CCND3: variants seen among roughly 807,000 people sequenced by gnomAD.
CCND3 encodes the protein cyclin D3, also known as G1/S-specific cyclin-D3.
A neutral mutation model predicts 28.7 loss-of-function variants in CCND3; 9 were observed. The observed-to-expected ratio is 0.31, with a 90% CI of 0.19 to 0.55. The LOEUF is 0.55. Ranked by LOEUF, CCND3 falls within the 20% of genes least tolerant of loss-of-function variation. The probability of loss-of-function intolerance (pLI) is 0.93; values close to 1 mark genes in which losing one functional copy is unlikely to be tolerated. For missense variants in CCND3, 315 were observed against 385.8 expected, an observed-to-expected ratio of 0.82 and a Z score of 1.54; for synonymous variants, 164 against 163.9, an observed-to-expected ratio of 1.00 and a Z score of 0.00.
intron 3 of CCND3, 119 bp downstream of exon 3, chr6:41,937,116 A>G (rs1272352880): frequency 6.4e-6 from 7 of 1,096,188 alleles, no homozygotes; most frequent in East Asian, 4.8e-5. Context: ...GGGGGCTCAG[A>G]GGGGGTATAA....
intron 1 of CCND3, among the ~76,000 whole-genome samples, chr6:41,966,452 A>C (rs1761888927): frequency 6.6e-6 from 1 of 151,800 alleles, no homozygotes; most frequent in African/African-American, 2.4e-5. Flanking sequence ...GCCCTGTTAT[A>C]CTCCCAGAAC....
intron 1 of CCND3, among the ~76,000 whole-genome samples, chr6:41,949,298 C>A (rs748969749): frequency 1.3e-5 from 2 of 151,824 alleles, no homozygotes; most frequent in Non-Finnish European, 2.9e-5. Flanking sequence ...CGAGGCCAGG[C>A]GTTCAAGACC....
chr6:41,988,615 C>G (rs9471708), intron 1 of CCND3, among the ~76,000 whole-genome samples: 30,582 of 151,690 alleles, frequency 0.2, 3,607 homozygotes, highest in Non-Finnish European at 0.26. Context: ...GCCATGGCCT[C>G]TTGGCCTCAT....
intron 1 of CCND3, chr6:42,011,205 A>G (rs908981237): frequency 6.6e-6 from 1 of 152,032 alleles, no homozygotes. Context: ...GCAGCCTCAA[A>G]CTCCTGGGCT....
intron 1 of CCND3, among the ~76,000 whole-genome samples, chr6:42,000,048 A>AAG (rs1762942644): frequency 1.3e-5 from 2 of 150,830 alleles, no homozygotes; most frequent in African/African-American, 4.9e-5. Flanking sequence ...AGGCCTGTGT[A>AAG]TGTGTGTGTG....
Position 41,936,245 on chromosome 6 carries a change from T to C in CCND3, c.712-138A>G. ...CAGCCCGGCCCCAGGAATCGCTCTTTAGTTCTCAGAAACTAGCAAGAGGAT... is the reference window on the plus strand; with the variant it reads ...CAGCCCGGCCCCAGGAATCGCTCTTCAGTTCTCAGAAACTAGCAAGAGGAT... On this transcript the variant is annotated intron_variant, in intron 4 of 4. Transcript: ENST00000372991. The surrounding 1 kb of genome is among the most constrained non-coding windows in gnomAD (Gnocchi z 4.4). The C allele has an allele frequency of 1.1e-6, 1 of 943,360 alleles. No individual in the cohort carries two copies. The highest frequency in any genetic ancestry group is 1.7e-5 in the South Asian group (1 of 57,270). 58.4% of individuals were successfully genotyped at this position (943,360 alleles called of 1,614,324 possible). A position where few individuals can be genotyped will look rare whatever the true frequency, so the allele number is the denominator to read the frequency against.
intron 1 of CCND3, among the ~76,000 whole-genome samples, chr6:42,020,389 G>A (rs1763671622): frequency 6.6e-6 from 1 of 152,232 alleles, no homozygotes; most frequent in South Asian, 2.1e-4. Context: ...ACATGCAGAA[G>A]GTTCTTGGCT....
At chr6:41,973,488 T>C (rs991081719) in intron 1 of CCND3, among the ~76,000 whole-genome samples, 1 of 152,214 alleles carries the variant, frequency 6.6e-6, no homozygotes, top group African/African-American at 2.4e-5. Flanking sequence ...TGTACTATGT[T>C]ATATAGACTA....
chr6:41,946,991 G>A (rs934459027), intron 1 of CCND3, among the ~76,000 whole-genome samples: 5 of 151,956 alleles, frequency 3.3e-5, no homozygotes, highest in African/African-American at 9.7e-5. Context: ...AGGCCGAGGC[G>A]GGCAGATCAC....
chr6:41,971,340 C>T (rs1487609544), intron 1 of CCND3, among the ~76,000 whole-genome samples: 1 of 152,124 alleles, frequency 6.6e-6, no homozygotes, highest in Non-Finnish European at 1.5e-5. Context: ...CTAGACTGGA[C>T]TTGAACTCCT....
At position 41,940,430 on chromosome 6, in the gene CCND3, G is replaced by A. The variant is rs777684813; in HGVS notation, c.354C>T (p.Pro118=). The A allele has an allele frequency of 6.2e-6, 10 of 1,613,782 alleles. No homozygotes were observed. The highest frequency in any genetic ancestry group is 8.5e-6 in the Non-Finnish European group (10 of 1,179,978). Reference sequence around the variant, plus strand: ...AGATGCACAGTTTTTCGATGGTCAGGGGCGTGGTCTCGCGCAGCTTGGAGG... The same window carrying A: ...AGATGCACAGTTTTTCGATGGTCAGAGGCGTGGTCTCGCGCAGCTTGGAGG... ...LLASKLRETT[P]LTIEKLCIYT... Residue 118 remains proline, a synonymous_variant, in exon 2 of 5, where the codon CCC becomes CCT. Transcript: ENST00000372991.
chr6:41,987,465 T>C (rs114353055), intron 1 of CCND3, among the ~76,000 whole-genome samples: 2 of 148,842 alleles, frequency 1.3e-5, no homozygotes, highest in African/African-American at 2.5e-5. Flanking sequence ...ACAACTCCCA[T>C]GGACCAGGCT....
intron 1 of CCND3, among the ~76,000 whole-genome samples, chr6:42,044,956 CGTTTTTTTTTTT>C (rs1488066414): frequency 3.2e-5 from 4 of 123,952 alleles, no homozygotes; most frequent in Admixed American, 8.7e-5. Flanking sequence ...GCCCGGCTAA[CGTTTTTTTTTTT>C]TTTTTTTTTG....
At chr6:41,969,920 T>C (rs901830687) in intron 1 of CCND3, among the ~76,000 whole-genome samples, 3 of 151,648 alleles carry the variant, frequency 2.0e-5, no homozygotes, top group African/African-American at 2.4e-5. Context: ...TAAAATGGAA[T>C]GGTGAGCTGG....
Position 41,936,480 on chromosome 6 carries a change from G to A in CCND3, c.711+79C>T. 6.6e-7 allele frequency: 1 copy of A among 1,525,530 alleles called. No homozygotes were observed. The highest frequency in any genetic ancestry group is 1.2e-5 in the South Asian group (1 of 84,310). The allele number at this position is 1,525,530 out of a possible 1,614,324, so 94.5% of individuals were successfully genotyped here. A position where few individuals can be genotyped will look rare whatever the true frequency, so the allele number is the denominator to read the frequency against. On this transcript the variant is annotated intron_variant, in intron 4 of 4. Coordinates refer to ENST00000372991, the MANE Select transcript of CCND3 (RefSeq NM_001760.5). The surrounding 1 kb of genome is among the most constrained non-coding windows in gnomAD (Gnocchi z 4.4). ...GACTTGGGACCAGGTTGGGGTTGGA[G>A]GTTTCCCTCTACTGGAGGCTCAGGG...
intron 1 of CCND3, among the ~76,000 whole-genome samples, chr6:41,951,734 A>G: frequency 6.6e-6 from 1 of 151,844 alleles, no homozygotes; most frequent in East Asian, 1.9e-4. Context: ...ATTAGGTAGT[A>G]ATAATAATAG....
intron 1 of CCND3, among the ~76,000 whole-genome samples, chr6:42,025,170 G>A (rs768823846): frequency 3.3e-5 from 5 of 152,228 alleles, no homozygotes; most frequent in Non-Finnish European, 5.9e-5. Flanking sequence ...CACGCAGGCA[G>A]ACAGAAGGTC....
chr6:42,014,286 G>A (rs571185824), intron 1 of CCND3, among the ~76,000 whole-genome samples: 3 of 151,546 alleles, frequency 2.0e-5, no homozygotes, highest in South Asian at 2.1e-4. Context: ...AGAATGGCGT[G>A]AACCCCGGGG....
intron 1 of CCND3, among the ~76,000 whole-genome samples, chr6:42,014,914 T>A (rs564711239): frequency 1.7e-4 from 26 of 152,342 alleles, no homozygotes; most frequent in African/African-American, 6.0e-4. Flanking sequence ...CTTGTTATTA[T>A]ACCATCATCT....
Sources: gnomAD v4.1 joint callset for allele counts (sites outside exome capture counted in the v4.1 genomes callset) on GRCh38, gnomAD v4.1.1 for gene constraint, Gnocchi (gnomAD v3.1) non-coding constraint, MANE v1.5 for transcripts, NCBI Gene and HGNC (gene_info 2026-07-23, HGNC 2026-07-21) for gene names.